The following PPFIA2 variants were observed in gnomAD, a reference collection of about 807,000 sequenced individuals.
PPFIA2 encodes the protein liprin-alpha-2.
Under a neutral mutation model 175.5 loss-of-function variants are expected in PPFIA2, and 46 were observed. The observed-to-expected ratio is 0.26, with a 90% CI of 0.21 to 0.34. The LOEUF (loss-of-function observed/expected upper bound fraction) is 0.34, where lower values mean the gene tolerates loss of function less well. Ranked by LOEUF, PPFIA2 falls within the 10% of genes least tolerant of loss-of-function variation. PPFIA2 has a pLI of 1.00. For missense variants in PPFIA2, 1,179 were observed against 1,506.1 expected, an observed-to-expected ratio of 0.78 and a Z score of 3.60; for synonymous variants, 568 against 511.4, an observed-to-expected ratio of 1.11 and a Z score of -1.49.
chr12:81,405,792 C>G lies in PPFIA2; in HGVS notation c.757G>C (p.Glu253Gln), dbSNP rs942169882. The change falls in exon 8 of 33, where the codon GAG becomes CAG. Residue 253 changes from glutamate to glutamine, a missense_variant. Physicochemically the swap from Glu to Gln is conservative, Grantham distance 29 (BLOSUM62 2). Around this residue, in one of 10 missense-constraint regions of PPFIA2, gnomAD observed 226 missense variants for 216.6 expected, o/e 1.04. Transcript: ENST00000549396. ...GCATGTGGGGTGTGTCATACCTTCTCATGGACTTTCTGTCCAGGTTCCATC... is the reference window on the plus strand; with the variant it reads ...GCATGTGGGGTGTGTCATACCTTCTGATGGACTTTCTGTCCAGGTTCCATC... ...EGMEPGQKVH[E>Q]KRLSNGSIDS... is the part of the protein sequence containing the mutation. The G allele has an allele frequency of 6.4e-7, 1 of 1,552,254 alleles. No individual in the cohort carries two copies. Among genetic ancestry groups the G allele is most frequent in the African/African-American group, 1.4e-5 (1 of 73,554 alleles).
intron 22 of PPFIA2, among the ~76,000 whole-genome samples, chr12:81,314,663 A>G (rs1248781745): frequency 6.6e-6 from 1 of 151,924 alleles, no homozygotes; most frequent in East Asian, 1.9e-4. Flanking sequence ...AATTGAATGA[A>G]CCTTCTTCTG....
intron 4 of PPFIA2, among the ~76,000 whole-genome samples, chr12:81,496,184 G>A (rs1048082241): frequency 6.6e-6 from 1 of 152,094 alleles, no homozygotes; most frequent in Admixed American, 6.6e-5. Context: ...AAGGAGATAA[G>A]CATTTTAAAA....
chr12:81,388,690 A>G (rs2039492435), intron 8 of PPFIA2, among the ~76,000 whole-genome samples: 2 of 152,100 alleles, frequency 1.3e-5, no homozygotes, highest in South Asian at 4.1e-4. Context: ...CTTGAAAAAC[A>G]AATTTTTATT....
intron 8 of PPFIA2, among the ~76,000 whole-genome samples, chr12:81,399,590 T>C (rs1206956820): frequency 1.3e-5 from 2 of 152,132 alleles, no homozygotes; most frequent in Non-Finnish European, 1.5e-5. Context: ...ACTTCATGTA[T>C]ATATGGATAA....
At chr12:81,530,697 A>C (rs1341932241) in intron 4 of PPFIA2, among the ~76,000 whole-genome samples, 1 of 151,762 alleles carries the variant, frequency 6.6e-6, no homozygotes, top group African/African-American at 2.4e-5. Flanking sequence ...TTAGTAGTAC[A>C]CAGTAAATAG....
chr12:81,550,541 C>G (rs913553932), intron 4 of PPFIA2, among the ~76,000 whole-genome samples: 1 of 151,926 alleles, frequency 6.6e-6, no homozygotes, highest in Non-Finnish European at 1.5e-5. Flanking sequence ...AGTAGAGGAT[C>G]TGAAACAGAT....
intron 4 of PPFIA2, among the ~76,000 whole-genome samples, chr12:81,584,407 TTC>T (rs2153432201): frequency 6.6e-6 from 1 of 151,950 alleles, no homozygotes; most frequent in African/African-American, 2.4e-5. Context: ...CACCTATGGC[TTC>T]TTATAGTCCT....
At chr12:81,595,827 A>C (rs1473338008) in intron 4 of PPFIA2, among the ~76,000 whole-genome samples, 2 of 152,212 alleles carry the variant, frequency 1.3e-5, no homozygotes, top group African/African-American at 4.8e-5. Flanking sequence ...TTGGATGTTT[A>C]ACGAGAATAT....
At chr12:81,583,551 A>G (rs2074733388) in intron 4 of PPFIA2, among the ~76,000 whole-genome samples, 1 of 151,950 alleles carries the variant, frequency 6.6e-6, no homozygotes, top group African/African-American at 2.4e-5. Context: ...TAGGATGTTT[A>G]AGATTTATTA....
chr12:81,447,161 T>C (rs906989221), intron 5 of PPFIA2, among the ~76,000 whole-genome samples: 23 of 152,046 alleles, frequency 1.5e-4, no homozygotes, highest in African/African-American at 5.1e-4. Context: ...TAATAGTAGT[T>C]TTTCAGTATG....
At chr12:81,416,024 C>T (rs2045189339) in intron 7 of PPFIA2, among the ~76,000 whole-genome samples, 1 of 151,450 alleles carries the variant, frequency 6.6e-6, no homozygotes, top group South Asian at 2.1e-4. Flanking sequence ...TCATTAGAGG[C>T]ATGTAAAAGG....
chr12:81,450,966 TAG>T (rs1237957954), intron 5 of PPFIA2, among the ~76,000 whole-genome samples: 3 of 152,124 alleles, frequency 2.0e-5, no homozygotes, highest in Non-Finnish European at 4.4e-5. Context: ...AGAAATAAGA[TAG>T]AGTTTCTTTC....
At chr12:81,494,337 G>GA (rs2059781280) in intron 4 of PPFIA2, among the ~76,000 whole-genome samples, 1 of 152,034 alleles carries the variant, frequency 6.6e-6, no homozygotes, top group South Asian at 2.1e-4. Context: ...AAAAACACAT[G>GA]AAAAAATGCT....
At position 81,442,848 on chromosome 12, in the gene PPFIA2, CATATATATATATATATATATAT is replaced by C. The variant is rs35192542; in HGVS notation, c.570+2686_570+2707del. On this transcript the variant is annotated intron_variant, in intron 6 of 32. Transcript: ENST00000549396. Reference sequence around the variant, plus strand: ...GGTTAATTGCATCTTTTTCTGACTTCATATATATATATATATATATATATATATATATATATATATATATATA... The same window carrying C: ...GGTTAATTGCATCTTTTTCTGACTTCATATATATATATATATATATATATA... 6.7e-3 allele frequency among the ~76,000 whole-genome samples: 95 copies of C among 14,096 alleles called. 5 individuals are homozygous for C. Among genetic ancestry groups the C allele is most frequent in the South Asian group, 0.063 (23 of 366 alleles). The allele number at this position is 14,096 out of a possible 152,430, so 9.2% of individuals were successfully genotyped here.
At chr12:81,398,613 C>T (rs2041579381) in intron 8 of PPFIA2, among the ~76,000 whole-genome samples, 1 of 152,078 alleles carries the variant, frequency 6.6e-6, no homozygotes. Context: ...AAACAACTCA[C>T]ATAAAGGACT....
At chr12:81,697,254 C>G (rs976862585) in intron 3 of PPFIA2, among the ~76,000 whole-genome samples, 22 of 152,016 alleles carry the variant, frequency 1.4e-4, no homozygotes, top group African/African-American at 5.3e-4. Flanking sequence ...CTCAGTAAAT[C>G]TTTTTTAGGC....
In PPFIA2 at chr12:81,462,589, T is replaced by C. The variant is rs1050353275; in HGVS notation, c.304-4723A>G. 1.1e-3 allele frequency among the ~76,000 whole-genome samples: 118 copies of C among 103,810 alleles called. 3 individuals carry two copies. Among genetic ancestry groups the C allele is most frequent in the African/African-American group, 4.9e-3 (104 of 21,380 alleles). 68.1% of individuals were successfully genotyped at this position (103,810 alleles called of 152,430 possible). On this transcript the variant is annotated intron_variant, in intron 4 of 32. Coordinates refer to ENST00000549396, the MANE Select transcript of PPFIA2 (RefSeq NM_003625.5). The stretch of plus-strand genomic sequence containing the variant: ...ATATGTGTATATATATATATACATA[T>C]ATATATATATATATATATAATATAG...
intron 4 of PPFIA2, among the ~76,000 whole-genome samples, chr12:81,551,266 T>C (rs1195558789): frequency 6.6e-6 from 1 of 151,858 alleles, no homozygotes; most frequent in Non-Finnish European, 1.5e-5. Context: ...GTGAGCCATA[T>C]CCAAAATGAA....
At position 81,548,628 on chromosome 12, in the gene PPFIA2, TG is replaced by T. The variant is rs757635605; in HGVS notation, c.304-90763del. ...AACTATAGACATGCACCATCCCACC[TG>T]GCTTAAATTGGGATATATTAATGTT... On this transcript the variant is annotated intron_variant, in intron 4 of 32. Transcript: ENST00000549396. 1.1e-4 allele frequency among the ~76,000 whole-genome samples: 16 copies of T among 152,222 alleles called. No homozygotes were observed. The East Asian group carries it at 1.9e-3, about 18-fold the overall frequency.
Sources: gnomAD v4.1 joint callset for allele counts (sites outside exome capture counted in the v4.1 genomes callset) on GRCh38, gnomAD v4.1.1 for gene constraint, gnomAD v4.1.1 regional missense constraint, MANE v1.5 for transcripts, NCBI Gene and HGNC (gene_info 2026-07-23, HGNC 2026-07-21) for gene names.